CTNNA3: variants seen among roughly 807,000 people sequenced by gnomAD.
The protein encoded by CTNNA3 is catenin alpha 3.
CTNNA3 carries 76 observed loss-of-function variants against 95.7 expected under a neutral mutation model. That is an observed-to-expected ratio of 0.79 (90% CI 0.66 to 0.96). CTNNA3 has a LOEUF of 0.96. CTNNA3 is among the 40% of genes least tolerant of loss of function. The pLI, the probability that CTNNA3 is intolerant of heterozygous loss-of-function variation, is 0.00. For synonymous variants in CTNNA3, 431 were observed against 374.4 expected, an observed-to-expected ratio of 1.15 and a Z score of -1.74; for missense variants, 1,191 against 1,089.8, an observed-to-expected ratio of 1.09 and a Z score of -1.31.
chr10:67,420,052 A>G (rs1845694683), intron 5 of CTNNA3, among the ~76,000 whole-genome samples: 3 of 152,180 alleles, frequency 2.0e-5, no homozygotes, highest in South Asian at 2.1e-4. Context: ...GGGTTTCACC[A>G]TATTGGCAGG....
intron 5 of CTNNA3, among the ~76,000 whole-genome samples, chr10:67,391,469 G>A (rs1844480997): frequency 6.6e-6 from 1 of 152,112 alleles, no homozygotes; most frequent in African/African-American, 2.4e-5. Context: ...CGTGAAAATG[G>A]CCATACTGCC....
At chr10:67,718,778 T>A (rs1841160529) in intron 1 of CTNNA3, among the ~76,000 whole-genome samples, 1 of 152,154 alleles carries the variant, frequency 6.6e-6, no homozygotes, top group Non-Finnish European at 1.5e-5. Context: ...TTTTGTTGTA[T>A]CTCTGCCAGG....
intron 7 of CTNNA3, among the ~76,000 whole-genome samples, chr10:66,813,649 A>C (rs1358299803): frequency 2.6e-5 from 4 of 152,182 alleles, no homozygotes; most frequent in African/African-American, 9.6e-5. Context: ...CAAATACTGT[A>C]CTGGGAATGA....
chr10:66,346,278 GAGAGAGAGAA>G (rs1227597409), intron 12 of CTNNA3, among the ~76,000 whole-genome samples: 15 of 136,496 alleles, frequency 1.1e-4, no homozygotes, highest in Non-Finnish European at 2.2e-4. Flanking sequence ...GAGAGAGAGA[GAGAGAGAGAA>G]AGAGAGACAG....
At chr10:66,294,956 T>C (rs1276409422) in intron 12 of CTNNA3, among the ~76,000 whole-genome samples, 1 of 151,908 alleles carries the variant, frequency 6.6e-6, no homozygotes, top group Non-Finnish European at 1.5e-5. Context: ...GTTGAAGCCA[T>C]GGCAATAGGC....
chr10:67,373,867 T>C (rs541215284), intron 5 of CTNNA3, among the ~76,000 whole-genome samples: 1 of 152,134 alleles, frequency 6.6e-6, no homozygotes, highest in Non-Finnish European at 1.5e-5. Flanking sequence ...TCACTGTACA[T>C]TTCATATATA....
At chr10:65,972,737 G>A (rs575511617) in intron 16 of CTNNA3, among the ~76,000 whole-genome samples, 3 of 151,992 alleles carry the variant, frequency 2.0e-5, no homozygotes, top group Non-Finnish European at 4.4e-5. Context: ...TCATCAACTG[G>A]AAGAATGAAT....
chr10:67,008,695 C>T (rs1321426018), intron 7 of CTNNA3, among the ~76,000 whole-genome samples: 1 of 152,144 alleles, frequency 6.6e-6, no homozygotes, highest in Non-Finnish European at 1.5e-5. Flanking sequence ...GCTAGGATAG[C>T]ACATCTCTGC....
At chr10:67,259,390 T>G (rs1866498371) in intron 5 of CTNNA3, among the ~76,000 whole-genome samples, 1 of 152,024 alleles carries the variant, frequency 6.6e-6, no homozygotes, top group East Asian at 1.9e-4. Flanking sequence ...ACACTGACCC[T>G]GAAGTTATAT....
intron 14 of CTNNA3, among the ~76,000 whole-genome samples, chr10:66,073,724 G>A (rs1190969522): frequency 2.0e-5 from 3 of 151,524 alleles, no homozygotes; most frequent in East Asian, 3.9e-4. Context: ...AAATCTTCTT[G>A]CTTTGCTACT....
chr10:66,896,141 A>G (rs907160382), intron 7 of CTNNA3, among the ~76,000 whole-genome samples: 5 of 152,208 alleles, frequency 3.3e-5, no homozygotes, highest in African/African-American at 9.6e-5. Flanking sequence ...TGCCATAAAC[A>G]ATGCATACAA....
intron 13 of CTNNA3, among the ~76,000 whole-genome samples, chr10:66,244,463 C>T (rs1370818132): frequency 1.3e-5 from 2 of 152,326 alleles, no homozygotes; most frequent in South Asian, 2.1e-4. Context: ...GTGCTGATTT[C>T]AGGTCTAGCC....
chr10:66,078,133 A>T (rs2133631317), intron 14 of CTNNA3, among the ~76,000 whole-genome samples: 1 of 151,982 alleles, frequency 6.6e-6, no homozygotes, highest in South Asian at 2.1e-4. Context: ...TTTTAGACAG[A>T]GGTAGTTATT....
At chr10:67,622,796 T>C (rs890795951) in intron 2 of CTNNA3, among the ~76,000 whole-genome samples, 6 of 152,212 alleles carry the variant, frequency 3.9e-5, no homozygotes, top group African/African-American at 1.4e-4. Context: ...AATTGGAGAA[T>C]TCACTTTATT....
chr10:66,188,593 CTCT>C (rs2086468006), intron 13 of CTNNA3, among the ~76,000 whole-genome samples: 1 of 104,548 alleles, frequency 9.6e-6, no homozygotes, highest in Non-Finnish European at 2.1e-5. Context: ...GAGGGGGGGT[CTCT>C]GTGTGTGTGT....
At chr10:66,328,025 A>G (rs564614122) in intron 12 of CTNNA3, among the ~76,000 whole-genome samples, 164 of 152,212 alleles carry the variant, frequency 1.1e-3, no homozygotes, top group African/African-American at 3.8e-3. Context: ...TAACATCACC[A>G]TTCTTTTAAT....
intron 7 of CTNNA3, among the ~76,000 whole-genome samples, chr10:67,002,043 G>A (rs546645992): frequency 7.0e-4 from 106 of 152,230 alleles, no homozygotes; most frequent in African/African-American, 2.5e-3. Context: ...CTGGTTGACT[G>A]ACCATACTCA....
intron 11 of CTNNA3, among the ~76,000 whole-genome samples, chr10:66,440,759 C>T (rs2093369411): frequency 7.0e-6 from 1 of 143,300 alleles, no homozygotes; most frequent in African/African-American, 2.7e-5. Context: ...AAATGAGTTA[C>T]TCAACTTTCC....
chr10:66,192,488 A>C (rs144768978), intron 13 of CTNNA3, among the ~76,000 whole-genome samples: 40 of 152,302 alleles, frequency 2.6e-4, no homozygotes, highest in Admixed American at 2.4e-3. Flanking sequence ...TGAACTCCAC[A>C]AGTTCATAAT....
Sources: allele counts gnomAD v4.1 joint callset (sites outside exome capture counted in the v4.1 genomes callset), GRCh38; gene constraint gnomAD v4.1.1; transcripts MANE v1.5; gene names NCBI Gene and HGNC (gene_info 2026-07-23, HGNC 2026-07-21).